PRKCA: variants seen among roughly 807,000 people sequenced by gnomAD.
The protein encoded by PRKCA is protein kinase C alpha, also known as protein kinase C alpha type.
A neutral mutation model predicts 87.0 loss-of-function variants in PRKCA; 27 were observed. That is an observed-to-expected ratio of 0.31 (90% CI 0.23 to 0.43). PRKCA has a LOEUF of 0.43. Among genes scored for constraint, PRKCA ranks in the 20% least tolerant of loss-of-function variants. The pLI is 1.00. For missense variants in PRKCA, 518 were observed against 852.3 expected, an observed-to-expected ratio of 0.61 and a Z score of 4.88; for synonymous variants, 329 against 311.1, an observed-to-expected ratio of 1.06 and a Z score of -0.61.
Position 66,751,794 on chromosome 17 carries a change from A to AG in PRKCA, c.1524+9041dup, listed in dbSNP as rs753908053. Among the ~76,000 whole-genome samples, 203 of 151,608 alleles carry AG rather than the reference A, an allele frequency of 1.3e-3. 1 individual carries two copies. Among genetic ancestry groups the AG allele is most frequent in the South Asian group, 5.8e-3 (28 of 4,804 alleles). ...TTCCTTCCTCCCAGGAAGCATGGCT[A>AG]GGGGGGGTCTCAGGAAACTTACAAT... On this transcript the variant is annotated intron_variant, in intron 13 of 16. Transcript: ENST00000413366.
At chr17:66,705,470 G>A (rs1179868011) in intron 8 of PRKCA, among the ~76,000 whole-genome samples, 5 of 152,182 alleles carry the variant, frequency 3.3e-5, no homozygotes, top group Admixed American at 6.5e-5. Flanking sequence ...AATTTGTCTC[G>A]AGGAAATAAT....
intron 2 of PRKCA, among the ~76,000 whole-genome samples, chr17:66,464,329 C>T (rs555633237): frequency 2.0e-5 from 3 of 152,222 alleles, no homozygotes; most frequent in South Asian, 2.1e-4. Context: ...AAGAAGGCTG[C>T]CATAAACATC....
chr17:66,436,238 T>G (rs561714929), intron 2 of PRKCA, among the ~76,000 whole-genome samples: 8 of 152,288 alleles, frequency 5.3e-5, no homozygotes, highest in African/African-American at 1.4e-4. Flanking sequence ...GATGAATGAC[T>G]TAGCAGGGGG....
chr17:66,619,221 C>G (rs1970603626), intron 3 of PRKCA, among the ~76,000 whole-genome samples: 1 of 152,114 alleles, frequency 6.6e-6, no homozygotes, highest in East Asian at 1.9e-4. Context: ...AGATTATGGG[C>G]GTCAGAGCTG....
At chr17:66,504,306 G>A (rs1325756034) in intron 3 of PRKCA, among the ~76,000 whole-genome samples, 1 of 151,626 alleles carries the variant, frequency 6.6e-6, no homozygotes, top group African/African-American at 2.4e-5. Flanking sequence ...TGCACAGGGT[G>A]GGCCACTAGC....
Position 66,803,794 on chromosome 17 carries a change from C to A in PRKCA, c.1855-79C>A. 3 of 1,563,884 alleles carry A rather than the reference C, an allele frequency of 1.9e-6. No individual in the cohort carries two copies. The highest frequency in any genetic ancestry group is 2.6e-6 in the Non-Finnish European group (3 of 1,151,578). On this transcript the variant is annotated intron_variant, in intron 16 of 16. Transcript: ENST00000413366. This position sits in a 1 kb window ranked among gnomAD's most constrained non-coding sequence, Gnocchi z 4.4. ...GGAGTTCCCCAGGGCCGTGCCCCTC[C>A]CCAGAGAGGGCCCTCGGAGAGCTGC...
intron 2 of PRKCA, among the ~76,000 whole-genome samples, chr17:66,376,950 A>G (rs1326776142): frequency 6.6e-6 from 1 of 152,142 alleles, no homozygotes; most frequent in East Asian, 1.9e-4. Context: ...AAGATGCTGG[A>G]AACTGTGGCA....
intron 13 of PRKCA, among the ~76,000 whole-genome samples, chr17:66,756,945 G>C (rs1055591306): frequency 6.6e-6 from 1 of 152,216 alleles, no homozygotes; most frequent in African/African-American, 2.4e-5. Flanking sequence ...TTACAGGCGT[G>C]AGCCACCGTG....
intron 13 of PRKCA, among the ~76,000 whole-genome samples, chr17:66,766,718 G>T (rs193227805): frequency 7.3e-5 from 11 of 150,426 alleles, no homozygotes; most frequent in African/African-American, 2.7e-4. Context: ...TGGGGCAGAA[G>T]AATTGCTTGA....
At chr17:66,304,655 C>T (rs1009881690) in intron 1 of PRKCA, among the ~76,000 whole-genome samples, 1 of 152,174 alleles carries the variant, frequency 6.6e-6, no homozygotes, top group Admixed American at 6.5e-5. Flanking sequence ...AGGGCAGGTC[C>T]CATGATCGTG....
At chr17:66,765,300 C>G (rs1234691549) in intron 13 of PRKCA, among the ~76,000 whole-genome samples, 1 of 150,996 alleles carries the variant, frequency 6.6e-6, no homozygotes, top group Non-Finnish European at 1.5e-5. Flanking sequence ...ATAATCCCAG[C>G]TACTCGGGAG....
At chr17:66,507,315 G>A (rs538407993) in intron 3 of PRKCA, among the ~76,000 whole-genome samples, 1 of 152,260 alleles carries the variant, frequency 6.6e-6, no homozygotes, top group East Asian at 1.9e-4. Flanking sequence ...TGATTCTCCC[G>A]AGTGCAGTAG....
At chr17:66,722,930 A>G (rs1973649270) in intron 8 of PRKCA, among the ~76,000 whole-genome samples, 1 of 152,186 alleles carries the variant, frequency 6.6e-6, no homozygotes, top group African/African-American at 2.4e-5. Context: ...TCCTTTTAAA[A>G]ATTTGTGCCA....
chr17:66,318,440 C>T (rs1905446720), intron 2 of PRKCA, among the ~76,000 whole-genome samples: 1 of 151,818 alleles, frequency 6.6e-6, no homozygotes, highest in African/African-American at 2.4e-5. Flanking sequence ...TACAACTAGG[C>T]ACCATAGCAC....
chr17:66,804,068 G>A lies in PRKCA; in HGVS notation c.*31G>A, dbSNP rs1415982719. On this transcript the variant is annotated 3_prime_UTR_variant, in exon 17 of 17. Transcript: ENST00000413366. ...ACCAGCGAGAACAAACACCTCCCCA[G>A]CCCCCAGCCCTCCCCGCAGTGGGAA... is the stretch of plus-strand genomic sequence containing the variant. 7 of 1,585,334 alleles carry A rather than the reference G, an allele frequency of 4.4e-6. No homozygotes were observed. Among genetic ancestry groups the A allele is most frequent in the Non-Finnish European group, 4.3e-6 (5 of 1,158,590 alleles).
intron 2 of PRKCA, among the ~76,000 whole-genome samples, chr17:66,318,231 TTC>T (rs1287963844): frequency 2.0e-5 from 3 of 152,250 alleles, no homozygotes; most frequent in African/African-American, 4.8e-5. Context: ...TTCTCTAGAA[TTC>T]TGTTTTAATT....
intron 2 of PRKCA, among the ~76,000 whole-genome samples, chr17:66,449,271 A>G (rs1004954960): frequency 2.0e-5 from 3 of 152,216 alleles, no homozygotes; most frequent in Non-Finnish European, 4.4e-5. Flanking sequence ...CCTGGGCAAC[A>G]GCAAGACCCT....
intron 2 of PRKCA, among the ~76,000 whole-genome samples, chr17:66,440,622 T>C (rs1294412427): frequency 6.6e-6 from 1 of 152,082 alleles, no homozygotes; most frequent in African/African-American, 2.4e-5. Flanking sequence ...AACCGGGGTG[T>C]TACCTAGTCT....
intron 3 of PRKCA, among the ~76,000 whole-genome samples, chr17:66,563,640 C>T (rs1968783256): frequency 6.6e-6 from 1 of 152,158 alleles, no homozygotes; most frequent in Non-Finnish European, 1.5e-5. Flanking sequence ...CTTGATGTGA[C>T]AAGATGGGAA....
Sources: allele counts gnomAD v4.1 joint callset (sites outside exome capture counted in the v4.1 genomes callset), GRCh38; gene constraint gnomAD v4.1.1; non-coding constraint Gnocchi (gnomAD v3.1); transcripts MANE v1.5; gene names NCBI Gene and HGNC (gene_info 2026-07-23, HGNC 2026-07-21).